The following XNDC1N variants were observed in gnomAD, a reference collection of about 807,000 sequenced individuals.
XNDC1N encodes the protein protein XNDC1N.
chr11:71,874,497 G>A, the XNDC1N span, among the ~76,000 whole-genome samples: 2 of 152,092 alleles, frequency 1.3e-5, no homozygotes, highest in African/African-American at 4.8e-5. Context: ...AAGACTAAGG[G>A]GAGTGTGAGT....
the XNDC1N span, among the ~76,000 whole-genome samples, chr11:71,906,376 C>G: frequency 8.6e-5 from 13 of 151,940 alleles, no homozygotes; most frequent in African/African-American, 3.1e-4. Flanking sequence ...ATGCCTACAC[C>G]CCCTGCGTCA....
At chr11:71,907,060 T>C in the XNDC1N span, among the ~76,000 whole-genome samples, 3 of 152,166 alleles carry the variant, frequency 2.0e-5, no homozygotes, top group Non-Finnish European at 4.4e-5. Context: ...TGGCACAAGC[T>C]GTACACACAT....
At chr11:71,887,999 TC>T in the XNDC1N span, among the ~76,000 whole-genome samples, 1 of 142,318 alleles carries the variant, frequency 7.0e-6, no homozygotes, top group Non-Finnish European at 1.6e-5. Context: ...GGTCAAGAAC[TC>T]CCCCACCATC....
chr11:71,917,790 G>A, the XNDC1N span: 1 of 702,996 alleles, frequency 1.4e-6, no homozygotes. Context: ...GGGACAAAAG[G>A]TTGAGAGAAG....
At chr11:71,891,127 G>A in the XNDC1N span, among the ~76,000 whole-genome samples, 2 of 152,006 alleles carry the variant, frequency 1.3e-5, no homozygotes, top group African/African-American at 2.4e-5. Context: ...CAATATTACA[G>A]GAGGGGTGTA....
At chr11:71,892,191 T>C in the XNDC1N span, among the ~76,000 whole-genome samples, 1 of 152,180 alleles carries the variant, frequency 6.6e-6, no homozygotes, top group South Asian at 2.1e-4. Flanking sequence ...TTTCACAGTC[T>C]GTACACACAT....
the XNDC1N span, among the ~76,000 whole-genome samples, chr11:71,889,023 G>A: frequency 0.04 from 6,060 of 152,234 alleles, 190 homozygotes; most frequent in Non-Finnish European, 0.062. Flanking sequence ...AACCCCCAAG[G>A]AGAGGTGGAG....
chr11:71,872,519 C>G, the XNDC1N span, among the ~76,000 whole-genome samples: 28,488 of 151,560 alleles, frequency 0.19, 4,890 homozygotes, highest in African/African-American at 0.45. Context: ...ATCAGGAGAT[C>G]GAGACCATCC....
At chr11:71,907,738 GAT>G in the XNDC1N span, among the ~76,000 whole-genome samples, 2 of 152,068 alleles carry the variant, frequency 1.3e-5, no homozygotes, top group Non-Finnish European at 2.9e-5. Flanking sequence ...CACTTTCTGT[GAT>G]ATTGAAAGCA....
the XNDC1N span, among the ~76,000 whole-genome samples, chr11:71,877,664 A>G: frequency 6.6e-6 from 1 of 152,150 alleles, no homozygotes; most frequent in Non-Finnish European, 1.5e-5. Context: ...AAATAAATAA[A>G]GTTTACTCAT....
the XNDC1N span, among the ~76,000 whole-genome samples, chr11:71,885,737 T>C: frequency 3.3e-5 from 5 of 152,002 alleles, no homozygotes; most frequent in South Asian, 6.2e-4. Flanking sequence ...GATATTAATA[T>C]TAATATTAAG....
the XNDC1N span, chr11:71,923,233 A>C: frequency 2.9e-6 from 2 of 697,686 alleles, no homozygotes; most frequent in Non-Finnish European, 5.2e-6. Flanking sequence ...GTTTCCTGAA[A>C]GTGGAGCCAA....
At chr11:71,874,598 T>A in the XNDC1N span, among the ~76,000 whole-genome samples, 1 of 152,226 alleles carries the variant, frequency 6.6e-6, no homozygotes, top group Non-Finnish European at 1.5e-5. Context: ...AAGTAAATAG[T>A]TGAATTTTTT....
chr11:71,904,168 A>T, the XNDC1N span: 9 of 433,872 alleles, frequency 2.1e-5, no homozygotes, highest in East Asian at 4.8e-4. Flanking sequence ...AGGATGGGTT[A>T]AAAAAGGCAG....
chr11:71,870,736 A>T, the XNDC1N span, among the ~76,000 whole-genome samples: 1 of 152,228 alleles, frequency 6.6e-6, no homozygotes. Flanking sequence ...GTGAATAGAC[A>T]TTTCTCAAAG....
the XNDC1N span, among the ~76,000 whole-genome samples, chr11:71,876,826 C>G: frequency 6.6e-6 from 1 of 152,178 alleles, no homozygotes; most frequent in Non-Finnish European, 1.5e-5. Context: ...GCAGTAAATG[C>G]TGGATTCTTG....
the XNDC1N span, among the ~76,000 whole-genome samples, chr11:71,885,981 T>A: frequency 2.6e-5 from 4 of 151,838 alleles, no homozygotes; most frequent in Non-Finnish European, 4.4e-5. Flanking sequence ...TAATTATTAG[T>A]GTCAATTAAT....
the XNDC1N span, among the ~76,000 whole-genome samples, chr11:71,877,803 T>A: frequency 6.6e-6 from 1 of 152,242 alleles, no homozygotes; most frequent in African/African-American, 2.4e-5. Flanking sequence ...TTTCTTTGTA[T>A]ATATTATTTG....
chr11:71,865,968 T>G, the XNDC1N span: 1 of 305,448 alleles, frequency 3.3e-6, no homozygotes, highest in Admixed American at 4.7e-5. Flanking sequence ...AAAGAAATTA[T>G]CAGTTAAAGT....
Sources: gnomAD v4.1 joint callset for allele counts (sites outside exome capture counted in the v4.1 genomes callset) on GRCh38, gnomAD v4.1.1 for gene constraint, MANE v1.5 for transcripts, NCBI Gene and HGNC (gene_info 2026-07-23, HGNC 2026-07-21) for gene names.